PRKG2: variants seen among roughly 807,000 people sequenced by gnomAD.
PRKG2 encodes the protein cGMP-dependent protein kinase 2.
PRKG2 carries 33 observed loss-of-function variants against 97.2 expected under a neutral mutation model. The ratio of observed to expected loss-of-function variants is 0.34; its 90% confidence interval spans 0.26 to 0.45. PRKG2 has a LOEUF of 0.45. Ranked by LOEUF, PRKG2 falls within the 20% of genes least tolerant of loss-of-function variation. The pLI, the probability that PRKG2 is intolerant of heterozygous loss-of-function variation, is 1.00. For missense variants in PRKG2, 638 were observed against 900.0 expected, an observed-to-expected ratio of 0.71 and a Z score of 3.73; for synonymous variants, 330 against 321.8, an observed-to-expected ratio of 1.03 and a Z score of -0.27.
intron 2 of PRKG2, among the ~76,000 whole-genome samples, chr4:81,194,360 A>G (rs900145370): frequency 6.6e-6 from 1 of 151,596 alleles, no homozygotes; most frequent in African/African-American, 2.4e-5. Flanking sequence ...ACGCATCTCT[A>G]TTTTCTTCCC....
intron 12 of PRKG2, among the ~76,000 whole-genome samples, chr4:81,139,769 C>A (rs181990376): frequency 2.2e-5 from 3 of 136,672 alleles, no homozygotes; most frequent in Non-Finnish European, 1.5e-5. Flanking sequence ...AGCTAGATTC[C>A]GTCTCAAAAG....
At chr4:81,128,791 A>AT (rs1379905693) in intron 14 of PRKG2, among the ~76,000 whole-genome samples, 2 of 150,862 alleles carry the variant, frequency 1.3e-5, no homozygotes, top group Non-Finnish European at 2.9e-5. Context: ...AGATTCATTG[A>AT]TTTTTTGAAG....
chr4:81,154,746 G>C (rs774746300), intron 6 of PRKG2, among the ~76,000 whole-genome samples: 31 of 152,328 alleles, frequency 2.0e-4, no homozygotes, highest in Non-Finnish European at 1.9e-4. Flanking sequence ...TTCCTCACTA[G>C]CAACAGAACA....
At chr4:81,173,974 G>A (rs899293236) in intron 3 of PRKG2, 1 of 151,918 alleles carries the variant, frequency 6.6e-6, no homozygotes, top group Non-Finnish European at 1.5e-5. Context: ...AAAAAGTTGT[G>A]CCAGAATGTG....
intron 1 of PRKG2, among the ~76,000 whole-genome samples, chr4:81,212,479 G>C (rs916619279): frequency 3.3e-5 from 5 of 152,286 alleles, no homozygotes; most frequent in Non-Finnish European, 5.9e-5. Flanking sequence ...GAAGAAAGAC[G>C]ATGAGGATTT....
At chr4:81,180,533 A>C (rs1751314598) in intron 2 of PRKG2, among the ~76,000 whole-genome samples, 1 of 152,210 alleles carries the variant, frequency 6.6e-6, no homozygotes, top group Admixed American at 6.5e-5. Context: ...ATTTCTAGAA[A>C]TACAGAGGAA....
Position 81,100,234 on chromosome 4 carries a change from A to C in PRKG2, c.2126+4136T>G, listed in dbSNP as rs551595219. 7.2e-5 allele frequency among the ~76,000 whole-genome samples: 11 copies of C among 152,250 alleles called. No individual in the cohort carries two copies. In the East Asian group the frequency reaches 9.6e-4, roughly 13 times the overall value. On this transcript the variant is annotated intron_variant, in intron 17 of 18. Coordinates refer to ENST00000264399, the MANE Select transcript of PRKG2 (RefSeq NM_006259.3). ...ACTACTTTAAAGTTCATATGGAACC[A>C]AAAAAGAGCCCGGATTGCCAAGTCA...
chr4:81,092,492 G>GGAAGGAAA (rs770484533), intron 17 of PRKG2, 40 bp from the exon 18 acceptor site: 3 of 1,019,216 alleles, frequency 2.9e-6, no homozygotes, highest in South Asian at 2.9e-5. Context: ...AAGGAAGGAA[G>GGAAGGAAA]GAAGGAAGGA....
intron 2 of PRKG2, among the ~76,000 whole-genome samples, chr4:81,183,398 C>G (rs1263688254): frequency 6.6e-6 from 1 of 152,060 alleles, no homozygotes; most frequent in Non-Finnish European, 1.5e-5. Flanking sequence ...TCGAGGAACT[C>G]CCTCCCCTAG....
At chr4:81,141,556 A>C (rs1320804129) in intron 11 of PRKG2, among the ~76,000 whole-genome samples, 1 of 152,206 alleles carries the variant, frequency 6.6e-6, no homozygotes, top group Non-Finnish European at 1.5e-5. Flanking sequence ...AAAAGGAAAT[A>C]AACATTTTAA....
At chr4:81,197,925 A>G (rs2110121592) in intron 2 of PRKG2, among the ~76,000 whole-genome samples, 1 of 152,304 alleles carries the variant, frequency 6.6e-6, no homozygotes, top group South Asian at 2.1e-4. Flanking sequence ...GTAAAGGGAA[A>G]CTTGGACATT....
intron 15 of PRKG2, among the ~76,000 whole-genome samples, chr4:81,108,731 C>T (rs1262927610): frequency 6.6e-6 from 1 of 151,790 alleles, no homozygotes; most frequent in Non-Finnish European, 1.5e-5. Flanking sequence ...ACCATTTCTG[C>T]AAAAAAATTT....
chr4:81,208,493 A>C (rs750442501), intron 1 of PRKG2, among the ~76,000 whole-genome samples: 2 of 152,064 alleles, frequency 1.3e-5, no homozygotes, highest in African/African-American at 2.4e-5. Flanking sequence ...CAGTGGTGCA[A>C]TCACTATAAC....
intron 14 of PRKG2, among the ~76,000 whole-genome samples, chr4:81,111,125 T>C (rs1444498678): frequency 3.3e-5 from 5 of 152,098 alleles, no homozygotes; most frequent in Non-Finnish European, 7.4e-5. Context: ...CTTAATACTC[T>C]GGACAGTCTT....
chr4:81,127,048 T>C (rs910791306), intron 14 of PRKG2, among the ~76,000 whole-genome samples: 1 of 152,180 alleles, frequency 6.6e-6, no homozygotes, highest in African/African-American at 2.4e-5. Context: ...TTGTATAAGA[T>C]GTAAGGAAGG....
chr4:81,137,615 T>C, intron 12 of PRKG2, 133 bp from the exon 13 acceptor site: 1 of 670,630 alleles, frequency 1.5e-6, no homozygotes, highest in Non-Finnish European at 2.6e-6. Flanking sequence ...ACAACTACAC[T>C]GGGCTTCTCG....
At chr4:81,130,804 A>G (rs940040208) in intron 14 of PRKG2, among the ~76,000 whole-genome samples, 1 of 152,064 alleles carries the variant, frequency 6.6e-6, no homozygotes, top group Non-Finnish European at 1.5e-5. Context: ...CTGCCTACTC[A>G]AGCCTCGGTA....
chr4:81,203,561 C>T (rs748478481), intron 2 of PRKG2, among the ~76,000 whole-genome samples: 16 of 152,050 alleles, frequency 1.1e-4, no homozygotes, highest in Non-Finnish European at 1.9e-4. Context: ...GATTCAGGCT[C>T]GACCAAGGCA....
intron 14 of PRKG2, among the ~76,000 whole-genome samples, chr4:81,113,737 G>A (rs1009697839): frequency 3.9e-5 from 6 of 152,062 alleles, no homozygotes; most frequent in Admixed American, 2.0e-4. Flanking sequence ...GATGATTCAC[G>A]GTGACATGCC....
Sources: allele counts gnomAD v4.1 joint callset (sites outside exome capture counted in the v4.1 genomes callset), GRCh38; gene constraint gnomAD v4.1.1; transcripts MANE v1.5; gene names NCBI Gene and HGNC (gene_info 2026-07-23, HGNC 2026-07-21).